Variants in MKX observed in about 807,000 individuals in gnomAD.
The protein encoded by MKX is homeobox protein Mohawk.
A neutral mutation model predicts 36.0 loss-of-function variants in MKX; 13 were observed. The ratio of observed to expected loss-of-function variants is 0.36; its 90% confidence interval spans 0.24 to 0.57. MKX has a LOEUF of 0.57. MKX is among the 20% of genes least tolerant of loss of function. The probability of loss-of-function intolerance (pLI) is 0.79; values close to 1 mark genes in which losing one functional copy is unlikely to be tolerated. For missense variants in MKX, 458 were observed against 456.4 expected (o/e 1.00, Z -0.03); for synonymous variants, 176 against 178.3 (o/e 0.99, Z 0.10).
At position 27,735,224 on chromosome 10, in the gene MKX, C is replaced by G. The variant is rs145362609; in HGVS notation, c.499G>C (p.Glu167Gln). 17 of 1,541,306 alleles carry G rather than the reference C, an allele frequency of 1.1e-5. No individual in the cohort carries two copies. The highest frequency in any genetic ancestry group is 1.2e-5 in the Non-Finnish European group (14 of 1,145,596). Residue 167 changes from glutamate (E) to glutamine (Q), a missense_variant, in exon 4 of 7, where the codon GAA becomes CAA. By Grantham distance (29) the Glu-to-Gln change is conservative. This residue lies in a region of MKX where 297 missense variants were observed against 304.4 expected (regional missense o/e 0.98). Transcript: ENST00000419761. ...LSVSSDDSCS[E>Q]DGENPPRTHM... ...CAAAATAAAAATATTAACAAACCTTCAGAACATGAGTCATCACTGCTTACG... is the reference window on the plus strand; with the variant it reads ...CAAAATAAAAATATTAACAAACCTTGAGAACATGAGTCATCACTGCTTACG...
chr10:27,722,459 T>C (rs1834400191), intron 5 of MKX, among the ~76,000 whole-genome samples: 2 of 152,258 alleles, frequency 1.3e-5, no homozygotes, highest in Non-Finnish European at 1.5e-5. Flanking sequence ...AAGGTACTTA[T>C]GGATTATCTT....
intron 5 of MKX, among the ~76,000 whole-genome samples, chr10:27,712,633 G>T (rs1411888495): frequency 6.6e-6 from 1 of 152,226 alleles, no homozygotes. Context: ...ATGAAGACAA[G>T]TAGTGCTCTG....
chr10:27,702,263 A>G (rs1589668521), intron 5 of MKX, among the ~76,000 whole-genome samples: 3 of 152,178 alleles, frequency 2.0e-5, no homozygotes, highest in African/African-American at 7.2e-5. Flanking sequence ...ACGAGGTCCT[A>G]AGAGAGAGAG....
At chr10:27,743,119 G>T in intron 2 of MKX, 109 bp downstream of exon 2, 1 of 1,104,244 alleles carries the variant, frequency 9.1e-7, no homozygotes, top group South Asian at 2.2e-5. Context: ...AGGGAACTCC[G>T]GGCCCTTTCC....
Position 27,741,292 on chromosome 10 carries a change from C to G in MKX, c.348+53G>C. ...GCCACACGAACTCTAAGCGTTCCCG[C>G]TCTTCAGCCCCTCGCGGGAAAACGG... On this transcript the variant is annotated intron_variant, in intron 3 of 6. Transcript: ENST00000419761. This position sits in a 1 kb window ranked among gnomAD's most constrained non-coding sequence, Gnocchi z 5.1. 2 of 1,603,178 alleles carry G rather than the reference C, an allele frequency of 1.2e-6. No homozygotes were observed. Among genetic ancestry groups the G allele is most frequent in the Admixed American group, 1.7e-5 (1 of 57,170 alleles).
At chr10:27,731,837 G>C (rs1834636443) in intron 5 of MKX, among the ~76,000 whole-genome samples, 1 of 151,904 alleles carries the variant, frequency 6.6e-6, no homozygotes, top group African/African-American at 2.4e-5. Flanking sequence ...CTTTTGAAAA[G>C]AACATGCATT....
In MKX at chr10:27,735,369, T is replaced by G. The variant is rs766648845; in HGVS notation, c.354A>C (p.Ser118=). 16 of 1,611,174 alleles carry G rather than the reference T, an allele frequency of 9.9e-6. No individual in the cohort carries two copies. Among genetic ancestry groups the G allele is most frequent in the Non-Finnish European group, 1.3e-5 (15 of 1,179,064 alleles). Reference sequence around the variant, plus strand: ...GACGTCTTGCATTAGCAAACCAATTTGACACCTAAAACAGTATTATTTTTC... The same window carrying G: ...GACGTCTTGCATTAGCAAACCAATTGGACACCTAAAACAGTATTATTTTTC... ...LGSQMTLVQV[S]NWFANARRRL... is the part of the protein sequence containing the mutation. Residue 118 remains serine, a synonymous_variant, in exon 4 of 7, where the codon TCA becomes TCC. Transcript: ENST00000419761.
chr10:27,685,487 T>C (rs370109637), intron 5 of MKX, among the ~76,000 whole-genome samples: 21 of 144,648 alleles, frequency 1.5e-4, no homozygotes, highest in South Asian at 2.2e-4. Flanking sequence ...CCCGCTCTGT[T>C]GCCCAGGCTG....
chr10:27,701,284 A>AGCGGTGCACATCACCGCAC (rs1836647001), intron 5 of MKX, among the ~76,000 whole-genome samples: 1 of 145,178 alleles, frequency 6.9e-6, no homozygotes, highest in Admixed American at 6.9e-5. Flanking sequence ...AAAGAACTGA[A>AGCGGTGCACATCACCGCAC]GCGGTGCACA....
At chr10:27,739,581 A>G (rs1834850220) in intron 3 of MKX, among the ~76,000 whole-genome samples, 1 of 152,146 alleles carries the variant, frequency 6.6e-6, no homozygotes, top group African/African-American at 2.4e-5. Flanking sequence ...ACAGGTGGCA[A>G]ATAATTTAAA....
chr10:27,725,639 G>A lies in MKX; in HGVS notation c.838+8817C>T, dbSNP rs72629777. On this transcript the variant is annotated intron_variant, in intron 5 of 6. Coordinates refer to ENST00000419761, the MANE Select transcript of MKX (RefSeq NM_173576.3). ...CCTTCTTAATTTTAGAAACAAAGTA[G>A]GGAGGCAGAAAGGAAAAAACTAACT... 0.016 allele frequency among the ~76,000 whole-genome samples: 2,343 copies of A among 150,870 alleles called. 155 individuals carry two copies. The East Asian group carries it at 0.2, about 13-fold the overall frequency.
intron 5 of MKX, among the ~76,000 whole-genome samples, chr10:27,713,041 C>T (rs998609261): frequency 1.3e-5 from 2 of 152,160 alleles, no homozygotes; most frequent in Non-Finnish European, 2.9e-5. Flanking sequence ...ACAAGCTTTC[C>T]GAGAGTGGGG....
At chr10:27,737,854 A>G (rs533874417) in intron 3 of MKX, among the ~76,000 whole-genome samples, 3 of 152,252 alleles carry the variant, frequency 2.0e-5, no homozygotes, top group South Asian at 2.1e-4. Flanking sequence ...CACATAGTAC[A>G]GTGTAAAATC....
intron 5 of MKX, among the ~76,000 whole-genome samples, chr10:27,679,101 T>C (rs1836206289): frequency 6.6e-6 from 1 of 150,954 alleles, no homozygotes; most frequent in Non-Finnish European, 1.5e-5. Context: ...TCATCTTACA[T>C]CACACACCAG....
intron 1 of MKX, among the ~76,000 whole-genome samples, chr10:27,743,809 T>A (rs374594178): frequency 6.6e-6 from 1 of 152,162 alleles, no homozygotes; most frequent in Non-Finnish European, 1.5e-5. Flanking sequence ...AACGAGCCTC[T>A]GGGTTTCAGT....
intron 3 of MKX, among the ~76,000 whole-genome samples, chr10:27,740,451 G>A (rs1175553121): frequency 1.3e-5 from 2 of 152,132 alleles, no homozygotes; most frequent in South Asian, 2.1e-4. Context: ...AGAGCATTTG[G>A]TCTGGAATTA....
chr10:27,724,357 T>C (rs1013124101), intron 5 of MKX, among the ~76,000 whole-genome samples: 11 of 152,292 alleles, frequency 7.2e-5, no homozygotes, highest in African/African-American at 2.2e-4. Flanking sequence ...AAGAGAATCA[T>C]GGCCACTGCT....
intron 5 of MKX, among the ~76,000 whole-genome samples, chr10:27,728,524 T>C (rs1834545534): frequency 6.6e-6 from 1 of 152,206 alleles, no homozygotes; most frequent in Admixed American, 6.5e-5. Context: ...AGCCAGAGCT[T>C]TCATGGAGTG....
intron 5 of MKX, among the ~76,000 whole-genome samples, chr10:27,718,373 A>G (rs1837001522): frequency 6.6e-6 from 1 of 152,170 alleles, no homozygotes; most frequent in South Asian, 2.1e-4. Context: ...TTTTATTTTG[A>G]TGTATAATTT....
Sources: allele counts gnomAD v4.1 joint callset (sites outside exome capture counted in the v4.1 genomes callset), GRCh38; gene constraint gnomAD v4.1.1; regional missense constraint gnomAD v4.1.1; non-coding constraint Gnocchi (gnomAD v3.1); transcripts MANE v1.5; gene names NCBI Gene and HGNC (gene_info 2026-07-23, HGNC 2026-07-21).